The following ZNF711 variants were observed in gnomAD, a reference collection of about 807,000 sequenced individuals.
ZNF711 encodes the protein zinc finger protein 711.
Under a neutral mutation model 43.5 loss-of-function variants are expected in ZNF711, and 3 were observed. The ratio of observed to expected loss-of-function variants is 0.07; its 90% confidence interval spans 0.03 to 0.18. The LOEUF is 0.18. Ranked by LOEUF, ZNF711 falls within the 10% of genes least tolerant of loss-of-function variation. ZNF711 has a pLI of 1.00. For missense variants in ZNF711, 412 were observed against 604.0 expected, an observed-to-expected ratio of 0.68 and a Z score of 3.33; for synonymous variants, 209 against 207.7, an observed-to-expected ratio of 1.01 and a Z score of -0.06.
intron 9 of ZNF711, 35 bp from the exon 10 acceptor site, chrX:85,269,968 A>G (rs1931434815): frequency 1.7e-6 from 2 of 1,199,230 alleles, no homozygotes; most frequent in African/African-American, 1.8e-5. Flanking sequence ...GTATAAATGT[A>G]TGTGATTTAA....
chrX:85,268,685 G>A (rs1418693335), intron 9 of ZNF711, among the ~76,000 whole-genome samples: 1 of 111,337 alleles, frequency 9.0e-6, no homozygotes, highest in Admixed American at 9.6e-5. Flanking sequence ...CCTTGTTAAT[G>A]TTCTTTTTGG....
chrX:85,253,654 GTA>G lies in ZNF711; in HGVS notation c.80-1599_80-1598del, dbSNP rs770342378. 3.4e-3 allele frequency among the ~76,000 whole-genome samples: 372 copies of G among 110,091 alleles called. 3 individuals are homozygous for G. Among genetic ancestry groups the G allele is most frequent in the African/African-American group, 0.012 (353 of 30,164 alleles). On this transcript the variant is annotated intron_variant, in intron 4 of 10. Coordinates refer to ENST00000674551, the MANE Select transcript of ZNF711 (RefSeq NM_001330574.2). Reference sequence around the variant, plus strand: ...TATATTCGTGTGTGTGTATGTGAATGTATATATTCTATGCAGTTTTATCCCAC... The same window carrying G: ...TATATTCGTGTGTGTGTATGTGAATGTATATTCTATGCAGTTTTATCCCAC...
At chrX:85,264,659 A>C (rs757125305) in intron 6 of ZNF711, among the ~76,000 whole-genome samples, 1 of 111,291 alleles carries the variant, frequency 9.0e-6, no homozygotes, top group Non-Finnish European at 1.9e-5. Flanking sequence ...TATCAAAACA[A>C]ATGATTGGAG....
At chrX:85,269,930 T>C in intron 9 of ZNF711, 73 bp from the exon 10 acceptor site, 1 of 1,082,193 alleles carries the variant, frequency 9.2e-7, no homozygotes, top group South Asian at 1.9e-5. Flanking sequence ...ATGTCATCTG[T>C]AGTAACTCAT....
At chrX:85,255,163 T>C in intron 4 of ZNF711, 96 bp from the exon 5 acceptor site, 2 of 836,532 alleles carry the variant, frequency 2.4e-6, no homozygotes, top group South Asian at 4.8e-5. Flanking sequence ...GATTACTTAA[T>C]ATTTAAGAAA....
At chrX:85,244,260 G>A in intron 1 of ZNF711, 69 bp downstream of exon 1, 1 of 124,117 alleles carries the variant, frequency 8.1e-6, no homozygotes, top group Non-Finnish European at 1.7e-5. Flanking sequence ...TTGTCTGAGG[G>A]GAGGAGAGGC....
rs193062761 is a variant in ZNF711, at chrX:85,246,012, C to G, written c.-296C>G. ...GAAAATCTACAATTTCTTCGAGACA[C>G]TCATATAAAGGTGACTAACAAATTA... On this transcript the variant is annotated 5_prime_UTR_variant, in exon 2 of 11. Coordinates refer to ENST00000674551, the MANE Select transcript of ZNF711 (RefSeq NM_001330574.2). The G allele has an allele frequency of 8.9e-6, 1 of 111,924 alleles. No homozygotes were observed. The highest frequency in any genetic ancestry group is 9.4e-5 in the Admixed American group (1 of 10,628). 9.2% of individuals were successfully genotyped at this position (111,924 alleles called of 1,213,427 possible).
chrX:85,248,211 T>C (rs1929216662), intron 4 of ZNF711, among the ~76,000 whole-genome samples: 1 of 107,477 alleles, frequency 9.3e-6, no homozygotes, highest in South Asian at 4.1e-4. Context: ...GGCTCATGCC[T>C]GTAATCCCAG....
At chrX:85,253,635 C>T (rs1407955718) in intron 4 of ZNF711, among the ~76,000 whole-genome samples, 1 of 110,371 alleles carries the variant, frequency 9.1e-6, no homozygotes, top group Non-Finnish European at 1.9e-5. Context: ...AACATATATT[C>T]GTGTGTGTGT....
chrX:85,262,546 ATTATT>A (rs1202019835), intron 5 of ZNF711, among the ~76,000 whole-genome samples: 2 of 110,295 alleles, frequency 1.8e-5, no homozygotes, highest in Non-Finnish European at 3.8e-5. Context: ...TTTATTCAAC[ATTATT>A]TTATAAGAGA....
chrX:85,265,383 G>C lies in ZNF711; in HGVS notation c.916+128G>C, dbSNP rs1018313844. 3 of 715,287 alleles carry C rather than the reference G, an allele frequency of 4.2e-6. No homozygotes were observed. The Admixed American group carries it at 8.7e-5, about 21-fold the overall frequency. 58.9% of individuals were successfully genotyped at this position (715,287 alleles called of 1,213,427 possible). On this transcript the variant is annotated intron_variant, in intron 7 of 10. Transcript: ENST00000674551. ...AATAAGCCTGATCCTTTGACCCTTT[G>C]CTGTAAATAATTTAAAAGTGAAGGG...
chrX:85,251,159 C>T (rs1394977237), intron 4 of ZNF711, among the ~76,000 whole-genome samples: 2 of 111,486 alleles, frequency 1.8e-5, no homozygotes, highest in Non-Finnish European at 3.8e-5. Context: ...TTAACATACA[C>T]AGAGCTAACC....
intron 4 of ZNF711, among the ~76,000 whole-genome samples, chrX:85,254,775 C>A (rs1471083896): frequency 3.0e-5 from 3 of 100,575 alleles, no homozygotes; most frequent in Non-Finnish European, 6.0e-5. Flanking sequence ...GCACTCCAGC[C>A]CGGGCGATAG....
At chrX:85,249,232 T>C (rs1929332212) in intron 4 of ZNF711, among the ~76,000 whole-genome samples, 1 of 112,076 alleles carries the variant, frequency 8.9e-6, no homozygotes, top group African/African-American at 3.2e-5. Context: ...ATTAAAGATA[T>C]TCCCATGAAT....
At chrX:85,245,560 G>A (rs1859808803) in intron 1 of ZNF711, among the ~76,000 whole-genome samples, 1 of 112,636 alleles carries the variant, frequency 8.9e-6, no homozygotes, top group Admixed American at 9.3e-5. Context: ...TTGAGTGCTA[G>A]TGCAGACTTT....
rs1178470769 is a variant in ZNF711 at position 85,244,139 on chromosome X, G to GGCGGCGGCA, written c.-449_-441dup. The stretch of plus-strand genomic sequence containing the variant: ...GCGGCACGGAGGCGGCGGCGGCGGC[G>GGCGGCGGCA]GCGGCGGCAGCGGCGGCGGCAGCGG... On this transcript the variant is annotated 5_prime_UTR_variant, in exon 1 of 11. Coordinates refer to ENST00000674551, the MANE Select transcript of ZNF711 (RefSeq NM_001330574.2). The GGCGGCGGCA allele has an allele frequency of 7.3e-6, 1 of 137,735 alleles. No homozygotes were observed. The highest frequency in any genetic ancestry group is 1.3e-5 in the Non-Finnish European group (1 of 75,116). The allele number at this position is 137,735 out of a possible 1,213,427, so 11.4% of individuals were successfully genotyped here.
At chrX:85,266,276 G>A (rs765141032) in intron 7 of ZNF711, among the ~76,000 whole-genome samples, 2 of 111,392 alleles carry the variant, frequency 1.8e-5, no homozygotes, top group African/African-American at 3.3e-5. Context: ...AAACAAATGA[G>A]TGGAGAAGAT....
rs1930026116 is a variant in ZNF711, at chrX:85,255,303, G to A, written c.124G>A (p.Val42Ile). ...TGCACATATCGATGGAGACCATATT[G>A]TTGTTTCAGTTCCTGAAGCTGTTTT... ...GTAHIDGDHI[V>I]VSVPEAVLVS... The change falls in exon 5 of 11, where the codon GTT becomes ATT. Residue 42 changes from valine to isoleucine, a missense_variant. By Grantham distance (29) the Val-to-Ile change is conservative. Around this residue, in one of 4 missense-constraint regions of ZNF711, gnomAD observed 375 missense variants for 514.2 expected, o/e 0.73. Transcript: ENST00000674551. 3 of 1,211,302 alleles carry A rather than the reference G, an allele frequency of 2.5e-6. No homozygotes were observed. The highest frequency in any genetic ancestry group is 3.4e-6 in the Non-Finnish European group (3 of 895,224).
rs767313020 is a variant in ZNF711, at chrX:85,270,930, C to G, written c.1526C>G (p.Ser509Cys). ...RRYREASPLS[S>C]NKLILRDKEP... Reference sequence around the variant, plus strand: ...TACAGAGAGGCTAGTCCACTGAGTTCCAATAAACTTATTTTAAGAGACAAG... The same window carrying G: ...TACAGAGAGGCTAGTCCACTGAGTTGCAATAAACTTATTTTAAGAGACAAG... Residue 509 changes from serine (S) to cysteine (C), a missense_variant, in exon 11 of 11, where the codon TCC becomes TGC. By Grantham distance (112) the Ser-to-Cys change is moderately radical. This residue lies in a region of ZNF711 where 375 missense variants were observed against 514.2 expected (regional missense o/e 0.73). Transcript: ENST00000674551. 3.3e-6 allele frequency: 4 copies of G among 1,208,565 alleles called. No individual in the cohort carries two copies. The African/African-American group carries it at 7.0e-5, about 21-fold the overall frequency.
Sources: allele counts gnomAD v4.1 joint callset (sites outside exome capture counted in the v4.1 genomes callset), GRCh38; gene constraint gnomAD v4.1.1; regional missense constraint gnomAD v4.1.1; transcripts MANE v1.5; gene names NCBI Gene and HGNC (gene_info 2026-07-23, HGNC 2026-07-21).